EML6: variants seen among roughly 807,000 people sequenced by gnomAD.
EML6 encodes the protein EMAP like 6.
EML6 carries 154 observed loss-of-function variants against 240.1 expected under a neutral mutation model. The ratio of observed to expected loss-of-function variants is 0.64; its 90% CI spans 0.56 to 0.73. EML6 has a LOEUF of 0.73. Ranked by LOEUF, EML6 falls within the 30% of genes least tolerant of loss-of-function variation. The pLI is 0.00. For missense variants in EML6, 2,964 were observed against 2,474.6 expected (o/e 1.20, Z -4.20); for synonymous variants, 1,148 against 899.0 (o/e 1.28, Z -4.95).
At chr2:54,848,524 T>TGCACACACACACACACACAC in intron 9 of EML6, among the ~76,000 whole-genome samples, 2 of 145,744 alleles carry the variant, frequency 1.4e-5, no homozygotes, top group Admixed American at 1.4e-4. Flanking sequence ...GCTTCCACAC[T>TGCACACACACACACACACAC]ACACACACAC....
chr2:54,886,169 T>C (rs1376945544), intron 17 of EML6, among the ~76,000 whole-genome samples: 1 of 143,822 alleles, frequency 7.0e-6, no homozygotes, highest in Non-Finnish European at 1.5e-5. Flanking sequence ...TCTTTTTTTT[T>C]TTTTTTTTTT....
chr2:54,838,367 C>A (rs1402527236), intron 7 of EML6, among the ~76,000 whole-genome samples: 1 of 152,174 alleles, frequency 6.6e-6, no homozygotes, highest in African/African-American at 2.4e-5. Flanking sequence ...TGAATTCTCA[C>A]AATGCTATGA....
intron 7 of EML6, among the ~76,000 whole-genome samples, chr2:54,830,864 G>T (rs1572966473): frequency 6.6e-6 from 1 of 152,132 alleles, no homozygotes; most frequent in African/African-American, 2.4e-5. Context: ...GTCTTCTCAC[G>T]GAGGCTCAGG....
chr2:54,960,408 T>C, intron 35 of EML6, 74 bp downstream of exon 35: 1 of 1,105,270 alleles, frequency 9.0e-7, no homozygotes, highest in East Asian at 2.6e-5. Context: ...GCCGGCACTT[T>C]CTCTGGGCTG....
intron 24 of EML6, among the ~76,000 whole-genome samples, chr2:54,906,742 A>G (rs1673346679): frequency 1.3e-5 from 2 of 152,214 alleles, no homozygotes; most frequent in African/African-American, 4.8e-5. Flanking sequence ...TAACTCCACT[A>G]GCCATGAGAC....
intron 2 of EML6, among the ~76,000 whole-genome samples, chr2:54,779,546 C>CA (rs57641161): frequency 0.14 from 13,284 of 96,562 alleles, 1,681 homozygotes; most frequent in African/African-American, 0.34. Context: ...GACTCTGTCT[C>CA]AAAAAAAAAA....
At chr2:54,736,784 C>T (rs1450767146) in intron 2 of EML6, among the ~76,000 whole-genome samples, 2 of 152,122 alleles carry the variant, frequency 1.3e-5, no homozygotes, top group Non-Finnish European at 2.9e-5. Flanking sequence ...GCCTCCTCTC[C>T]CTAGGCCTAC....
chr2:54,861,879 A>G (rs933572162), intron 12 of EML6, among the ~76,000 whole-genome samples: 1 of 151,954 alleles, frequency 6.6e-6, no homozygotes, highest in Non-Finnish European at 1.5e-5. Flanking sequence ...AAGCAACCCC[A>G]GTTAAGTAGA....
intron 2 of EML6, among the ~76,000 whole-genome samples, chr2:54,753,376 T>C (rs1022043445): frequency 6.6e-6 from 1 of 152,164 alleles, no homozygotes; most frequent in African/African-American, 2.4e-5. Flanking sequence ...ACTTTATCAA[T>C]GTAATTAAGT....
chr2:54,926,638 G>T (rs1208288239), intron 26 of EML6, among the ~76,000 whole-genome samples: 1 of 152,232 alleles, frequency 6.6e-6, no homozygotes, highest in Non-Finnish European at 1.5e-5. Context: ...TGGTTTCGCA[G>T]AACCTTCTAG....
intron 35 of EML6, among the ~76,000 whole-genome samples, chr2:54,961,457 G>T (rs1181689870): frequency 1.3e-5 from 2 of 151,686 alleles, no homozygotes; most frequent in Non-Finnish European, 1.5e-5. Flanking sequence ...AAAGTGCTGG[G>T]ATTACAGGCG....
Position 54,824,522 on chromosome 2 carries a change from A to G in EML6, c.526-3044A>G, listed in dbSNP as rs958608792. Among the ~76,000 whole-genome samples the G allele has an allele frequency of 2.0e-5, 3 of 152,172 alleles. No individual in the cohort carries two copies. In the East Asian group the frequency reaches 5.8e-4, roughly 29 times the overall value. ...ATTGAATGATTCCAGTCATAAATTGAGTGCAAAATCTTTGTACTCAAAGAA... is the reference window on the plus strand; with the variant it reads ...ATTGAATGATTCCAGTCATAAATTGGGTGCAAAATCTTTGTACTCAAAGAA... On this transcript the variant is annotated intron_variant, in intron 5 of 41. Transcript: ENST00000356458.
intron 36 of EML6, 38 bp from the exon 37 acceptor site, chr2:54,963,948 G>T (rs570407157): frequency 5.9e-6 from 9 of 1,523,806 alleles, no homozygotes; most frequent in Non-Finnish European, 7.9e-6. Context: ...AGCTGAGGGG[G>T]CCAAGAGCTC....
chr2:54,851,449 C>T (rs1174277812), intron 10 of EML6, among the ~76,000 whole-genome samples: 1 of 151,904 alleles, frequency 6.6e-6, no homozygotes, highest in African/African-American at 2.4e-5. Context: ...AGAAAAAAAG[C>T]CCAATGGATT....
chr2:54,879,644 A>G lies in EML6; in HGVS notation c.2438+4A>G, dbSNP rs1209725446. On this transcript the variant is annotated splice_donor_region_variant and intron_variant, in intron 17 of 41. Transcript: ENST00000356458. ...GAGAAAAGATAGCCACAACAAGGTA[A>G]GAAGCTGCCGGGATCTTACGGTATC... 1 of 1,531,552 alleles carries G rather than the reference A, an allele frequency of 6.5e-7. No homozygotes were observed. Among genetic ancestry groups the G allele is most frequent in the Non-Finnish European group, 8.9e-7 (1 of 1,128,264 alleles). The allele number at this position is 1,531,552 out of a possible 1,614,324, so 94.9% of individuals were successfully genotyped here.
chr2:54,776,616 G>C (rs1325056517), intron 2 of EML6, among the ~76,000 whole-genome samples: 1 of 151,854 alleles, frequency 6.6e-6, no homozygotes, highest in African/African-American at 2.4e-5. Context: ...CCTTTGATGA[G>C]GGGATCATTA....
intron 39 of EML6, 68 bp downstream of exon 39, chr2:54,967,171 G>A (rs1558735609): frequency 8.5e-6 from 9 of 1,059,032 alleles, no homozygotes; most frequent in Non-Finnish European, 1.1e-5. Flanking sequence ...CTCAGGCTCA[G>A]CCTCCAAGTC....
intron 2 of EML6, among the ~76,000 whole-genome samples, chr2:54,726,198 T>C (rs915800588): frequency 6.6e-6 from 1 of 152,184 alleles, no homozygotes; most frequent in Non-Finnish European, 1.5e-5. Context: ...ACAGGGAAAA[T>C]GACTTGCTGA....
At chr2:54,890,985 C>T in intron 17 of EML6, 69 bp from the exon 18 acceptor site, 1 of 735,660 alleles carries the variant, frequency 1.4e-6, no homozygotes, top group Non-Finnish European at 2.2e-6. Flanking sequence ...AGACCAAATG[C>T]ATGCTTTTAA....
Sources: gnomAD v4.1 joint callset for allele counts (sites outside exome capture counted in the v4.1 genomes callset) on GRCh38, gnomAD v4.1.1 for gene constraint, MANE v1.5 for transcripts, NCBI Gene and HGNC (gene_info 2026-07-23, HGNC 2026-07-21) for gene names.